Variants in IQSEC2 observed in about 807,000 individuals in gnomAD.
IQSEC2 encodes IQ motif and Sec7 domain ArfGEF 2, also known as IQ motif and SEC7 domain-containing protein 2.
A neutral mutation model predicts 74.6 loss-of-function variants in IQSEC2; 6 were observed. That is an observed-to-expected ratio of 0.08 (90% confidence interval 0.04 to 0.16). The LOEUF (loss-of-function observed/expected upper bound fraction) is 0.16. Among genes scored for constraint, IQSEC2 ranks in the 10% least tolerant of loss-of-function variants. The pLI is 1.00. For missense variants in IQSEC2, 734 were observed against 1,306.2 expected, an observed-to-expected ratio of 0.56 and a Z score of 6.75; for synonymous variants, 494 against 544.5, an observed-to-expected ratio of 0.91 and a Z score of 1.29.
Position 53,274,452 on chromosome X carries a change from C to CTTTTTTTTTT in IQSEC2, c.737+17433_737+17442dup. 4.0e-4 allele frequency among the ~76,000 whole-genome samples: 19 copies of CTTTTTTTTTT among 47,123 alleles called. 4 individuals carry two copies. The highest frequency in any genetic ancestry group is 1.3e-3 in the African/African-American group (13 of 10,288). The allele number at this position is 47,123 out of a possible 115,157, so 40.9% of individuals were successfully genotyped here. On this transcript the variant is annotated intron_variant, in intron 2 of 14. Transcript: ENST00000642864. ...GCACTTCATTGCTTTAGTTACATTT[C>CTTTTTTTTTT]TTTTTTTTTTTTTTTTTTTTTTTTT... is the stretch of plus-strand genomic sequence containing the variant.
At chrX:53,227,699 G>T, downstream of IQSEC2, 1 of 260,934 alleles carries the variant, frequency 3.8e-6, no homozygotes, top group South Asian at 2.1e-4. Context: ...TAGAAGGTGG[G>T]AGAATACGGT....
chrX:53,255,809 C>T lies in IQSEC2; in HGVS notation c.990G>A (p.Gln330=), dbSNP rs2074457490. 3.3e-6 allele frequency: 4 copies of T among 1,211,955 alleles called. No homozygotes were observed. The highest frequency in any genetic ancestry group is 4.5e-6 in the Non-Finnish European group (4 of 895,512). ...SDSYELSTDL[Q]DKKVEMLERK... is the part of the protein sequence containing the mutation. ...GATGCCTCTGTTGCACCTTCTTGTC[C>T]TGCAGGTCTGTGGAGAGTTCATAGC... The change falls in exon 3 of 15, where the codon CAG becomes CAA. Residue 330 remains glutamine (Q), a synonymous_variant. Coordinates refer to ENST00000642864, the MANE Select transcript of IQSEC2 (RefSeq NM_001111125.3).
rs781961755 is a variant in IQSEC2 at position 53,264,335 on chromosome X, C to G, written c.738-8274G>C. On this transcript the variant is annotated intron_variant, in intron 2 of 14. Coordinates refer to ENST00000642864, the MANE Select transcript of IQSEC2 (RefSeq NM_001111125.3). ...TATTTCTCTCACGGCTGATCAAAACCCCACCCCCTTCCCACAGCACAAGCC... is the reference window on the plus strand; with the variant it reads ...TATTTCTCTCACGGCTGATCAAAACGCCACCCCCTTCCCACAGCACAAGCC... Among the ~76,000 whole-genome samples the G allele has an allele frequency of 3.7e-5, 4 of 109,451 alleles. No homozygotes were observed. In the South Asian group the frequency reaches 1.6e-3, roughly 44 times the overall value.
At chrX:53,242,869 G>A (rs201906898) in intron 9 of IQSEC2, among the ~76,000 whole-genome samples, 1 of 111,701 alleles carries the variant, frequency 9.0e-6, no homozygotes, top group East Asian at 2.8e-4. Context: ...CTGAGTAGCT[G>A]GAACTCCAGG....
chrX:53,232,224 C>A (rs1343996635), downstream of IQSEC2, among the ~76,000 whole-genome samples: 1 of 112,113 alleles, frequency 8.9e-6, no homozygotes, highest in Non-Finnish European at 1.9e-5. Flanking sequence ...CTCAGCCTGT[C>A]CCCTTCTCTG....
At position 53,250,920 on chromosome X, in the gene IQSEC2, C is replaced by T. The variant is rs200411197; in HGVS notation, c.1656G>A (p.Pro552=). The T allele has an allele frequency of 4.1e-5, 49 of 1,208,837 alleles. No homozygotes were observed. The East Asian group carries it at 1.2e-3, about 31-fold the overall frequency. Residue 552 remains proline, a synonymous_variant, in exon 5 of 15, where the codon CCG becomes CCA. Coordinates refer to ENST00000642864, the MANE Select transcript of IQSEC2 (RefSeq NM_001111125.3). The part of the protein sequence containing the change: ...RPEFWAPAPL[P]PVPPPVPSGT... ...CTGATGGCACTGGTGGAGGAACTGG[C>T]GGGAGAGGGGCTGGCGCCCAGAACT...
At chrX:53,316,754 G>C (rs782546387) in intron 1 of IQSEC2, among the ~76,000 whole-genome samples, 1 of 106,961 alleles carries the variant, frequency 9.3e-6, no homozygotes, top group East Asian at 2.9e-4. Flanking sequence ...GAACTCACTT[G>C]AGTAAGCTAT....
chrX:53,301,175 G>A (rs185498524), intron 1 of IQSEC2, among the ~76,000 whole-genome samples: 3 of 112,347 alleles, frequency 2.7e-5, no homozygotes, highest in Non-Finnish European at 3.8e-5. Flanking sequence ...AATACTGTGA[G>A]GCGGGGGGCA....
chrX:53,235,736 G>T, intron 14 of IQSEC2, 47 bp downstream of exon 14: 4 of 1,149,075 alleles, frequency 3.5e-6, no homozygotes, highest in Non-Finnish European at 4.7e-6. Context: ...TCCATGGCCG[G>T]GGCAGGGCTC....
In IQSEC2 at chrX:53,255,891, A is replaced by T; in HGVS notation, c.908T>A (p.Val303Asp). 8.3e-7 allele frequency: 1 copy of T among 1,210,589 alleles called. No individual in the cohort carries two copies. Among genetic ancestry groups the T allele is most frequent in the Non-Finnish European group, 1.1e-6 (1 of 894,906 alleles). Residue 303 changes from valine to aspartate, a missense_variant, in exon 3 of 15, where the codon GTC becomes GAC. Val to Asp is a radical substitution (Grantham distance 152, BLOSUM62 -3). Transcript: ENST00000642864. ...AQRARLQPAS[V>D]ALRKQEEEEI... ...CTCCTCCTCCTGCTTCCTCAGGGCG[A>T]CACTGGCTGGCTGGAGGCGTGCCCG...
intron 2 of IQSEC2, chrX:53,281,504 C>T (rs782394671): frequency 3.5e-6 from 4 of 1,142,872 alleles, no homozygotes; most frequent in Middle Eastern, 4.9e-4. Flanking sequence ...ACCTGCTGCT[C>T]CTCCCGGGGG....
intron 2 of IQSEC2, among the ~76,000 whole-genome samples, chrX:53,284,526 C>A (rs1473641063): frequency 1.8e-5 from 2 of 111,380 alleles, no homozygotes; most frequent in African/African-American, 6.5e-5. Flanking sequence ...GGCTGGCTCC[C>A]CCTTGTTCTT....
chrX:53,256,070 A>T lies in IQSEC2; in HGVS notation c.738-9T>A, dbSNP rs782795560. On this transcript the variant is annotated splice_polypyrimidine_tract_variant and intron_variant, in intron 2 of 14. Coordinates refer to ENST00000642864, the MANE Select transcript of IQSEC2 (RefSeq NM_001111125.3). Reference sequence around the variant, plus strand: ...GGGCATCACCCTCCACACTGTGGGGATGAGATAAGATGAGCCAGGATGTGG... The same window carrying T: ...GGGCATCACCCTCCACACTGTGGGGTTGAGATAAGATGAGCCAGGATGTGG... The T allele has an allele frequency of 8.7e-7, 1 of 1,153,561 alleles. No individual in the cohort carries two copies. The highest frequency in any genetic ancestry group is 1.2e-6 in the Non-Finnish European group (1 of 865,584).
chrX:53,236,085 C>T (rs1450054895), intron 13 of IQSEC2, among the ~76,000 whole-genome samples: 3 of 111,788 alleles, frequency 2.7e-5, no homozygotes, highest in Non-Finnish European at 5.7e-5. Flanking sequence ...GGGGGAGCAG[C>T]GAGAGAGAGG....
downstream of IQSEC2, among the ~76,000 whole-genome samples, chrX:53,228,055 A>G (rs1247428831): frequency 9.0e-6 from 1 of 111,575 alleles, no homozygotes; most frequent in Non-Finnish European, 1.9e-5. Flanking sequence ...TCTGCCAAGT[A>G]CCTCATCTTC....
chrX:53,309,688 T>C (rs1263525685), intron 1 of IQSEC2, among the ~76,000 whole-genome samples: 9 of 112,392 alleles, frequency 8.0e-5, no homozygotes, highest in Non-Finnish European at 1.7e-4. Context: ...CTCTTCAGCC[T>C]TACTTTCATT....
At chrX:53,225,890 C>T (rs2074033868), downstream of IQSEC2, 1 of 112,645 alleles carries the variant, frequency 8.9e-6, no homozygotes, top group African/African-American at 3.2e-5. Flanking sequence ...CCAAAAGTCA[C>T]TGGGAGTCAG....
intron 2 of IQSEC2, chrX:53,279,422 C>A (rs782092377): frequency 9.2e-6 from 4 of 436,685 alleles, no homozygotes; most frequent in Non-Finnish European, 1.6e-5. Flanking sequence ...CTGACCTGAT[C>A]TTCCAGGCAC....
rs2146551348 is a variant in IQSEC2, at chrX:53,320,806, C to T, written c.318G>A (p.Gln106=). ...QFHHRELRES[Q]FHQAARDVGY... ...CCACGTCCCGGGCCGCCTGGTGGAA[C>T]TGGCTCTCCCGCAGCTCGCGGTGGT... The change falls in exon 1 of 15, where the codon CAG becomes CAA. Residue 106 remains glutamine (Q), a synonymous_variant. Transcript: ENST00000642864. 2.6e-6 allele frequency: 3 copies of T among 1,165,030 alleles called. No homozygotes were observed. Among genetic ancestry groups the T allele is most frequent in the Non-Finnish European group, 3.4e-6 (3 of 871,117 alleles).
Sources: gnomAD v4.1 joint callset for allele counts (sites outside exome capture counted in the v4.1 genomes callset) on GRCh38, gnomAD v4.1.1 for gene constraint, MANE v1.5 for transcripts, NCBI Gene and HGNC (gene_info 2026-07-23, HGNC 2026-07-21) for gene names.